The following DCC variants were observed in gnomAD, a reference collection of about 807,000 sequenced individuals.
The protein encoded by DCC is netrin receptor DCC.
In DCC, 58 loss-of-function variants were observed where a neutral mutation model predicts 172.5. The observed-to-expected ratio is 0.34, with a 90% CI of 0.27 to 0.42. The LOEUF is 0.42. DCC is among the 10% of genes least tolerant of loss of function. The pLI is 1.00. For synonymous variants in DCC, 709 were observed against 644.5 expected (o/e 1.10, Z -1.52); for missense variants, 1,740 against 1,791.0 (o/e 0.97, Z 0.51).
chr18:52,992,031 G>T (rs1239899748), intron 5 of DCC, among the ~76,000 whole-genome samples: 1 of 152,182 alleles, frequency 6.6e-6, no homozygotes, highest in Non-Finnish European at 1.5e-5. Context: ...AATTTTGAAT[G>T]CAAGTTTAAT....
intron 5 of DCC, among the ~76,000 whole-genome samples, chr18:52,950,360 A>G (rs561670447): frequency 6.6e-6 from 1 of 152,304 alleles, no homozygotes; most frequent in South Asian, 2.1e-4. Context: ...AGGCTGACTC[A>G]TCTTTCCTTG....
intron 2 of DCC, among the ~76,000 whole-genome samples, chr18:52,807,935 G>A (rs1489434399): frequency 1.3e-5 from 2 of 152,136 alleles, no homozygotes; most frequent in Admixed American, 6.5e-5. Context: ...TTGGTCCAGG[G>A]AACTGAAACT....
intron 1 of DCC, among the ~76,000 whole-genome samples, chr18:52,479,224 TATAG>T (rs1989182887): frequency 6.6e-6 from 1 of 152,216 alleles, no homozygotes. Flanking sequence ...CTTAAGCACA[TATAG>T]ATTTTCTCTT....
At chr18:53,076,834 G>A (rs907095257) in intron 7 of DCC, among the ~76,000 whole-genome samples, 3 of 152,292 alleles carry the variant, frequency 2.0e-5, no homozygotes, top group Admixed American at 1.3e-4. Flanking sequence ...ATGTGTCTCT[G>A]TTGCTAGGAG....
chr18:52,609,870 T>G (rs79696745), intron 1 of DCC, among the ~76,000 whole-genome samples: 9,441 of 151,978 alleles, frequency 0.062, 380 homozygotes, highest in African/African-American at 0.099. Flanking sequence ...GCTAAGTTCA[T>G]GGTATGTTGA....
chr18:52,755,998 A>G (rs977519737), intron 2 of DCC, among the ~76,000 whole-genome samples: 21 of 152,202 alleles, frequency 1.4e-4, no homozygotes, highest in Admixed American at 1.4e-3. Context: ...AAGAACTATC[A>G]TTCCATCCAA....
At chr18:53,038,301 T>C (rs935292308) in intron 5 of DCC, among the ~76,000 whole-genome samples, 2 of 152,016 alleles carry the variant, frequency 1.3e-5, no homozygotes, top group African/African-American at 4.8e-5. Flanking sequence ...TACTATTGTG[T>C]TAGATTGGGC....
At chr18:52,428,487 T>A (rs1987516557) in intron 1 of DCC, among the ~76,000 whole-genome samples, 1 of 152,144 alleles carries the variant, frequency 6.6e-6, no homozygotes, top group Non-Finnish European at 1.5e-5. Context: ...TACATTTGAC[T>A]TGGAGAAGAT....
At chr18:53,142,039 A>G (rs11875241) in intron 7 of DCC, among the ~76,000 whole-genome samples, 2,452 of 152,280 alleles carry the variant, frequency 0.016, 56 homozygotes, top group African/African-American at 0.055. Context: ...GGAATTTGCT[A>G]TGCCCACTGG....
chr18:53,358,530 C>CTTTTTTTTTTTTTTTT (rs35093625), intron 15 of DCC, among the ~76,000 whole-genome samples: 1 of 95,920 alleles, frequency 1.0e-5, no homozygotes. Context: ...TTCTCTCTCT[C>CTTTTTTTTTTTTTTTT]TTTTTTTTTT....
At chr18:52,672,474 G>A (rs2035571535) in intron 1 of DCC, among the ~76,000 whole-genome samples, 1 of 151,914 alleles carries the variant, frequency 6.6e-6, no homozygotes, top group Admixed American at 6.6e-5. Context: ...GATGATATAA[G>A]CACAAAACAG....
chr18:53,511,787 C>T (rs1458104153), intron 27 of DCC, among the ~76,000 whole-genome samples: 1 of 152,210 alleles, frequency 6.6e-6, no homozygotes, highest in Non-Finnish European at 1.5e-5. Context: ...AGAGTATATC[C>T]TGCACCTGGC....
At chr18:53,400,336 C>T (rs976145505) in intron 18 of DCC, among the ~76,000 whole-genome samples, 1 of 152,064 alleles carries the variant, frequency 6.6e-6, no homozygotes, top group East Asian at 1.9e-4. Context: ...TAAAGAGATA[C>T]TTATGATTGG....
At chr18:53,384,606 A>G (rs1264533796) in intron 15 of DCC, among the ~76,000 whole-genome samples, 1 of 151,994 alleles carries the variant, frequency 6.6e-6, no homozygotes, top group African/African-American at 2.4e-5. Context: ...TAATTTACAT[A>G]TATCTATTCC....
At chr18:52,640,927 A>T (rs2034878036) in intron 1 of DCC, among the ~76,000 whole-genome samples, 1 of 152,200 alleles carries the variant, frequency 6.6e-6, no homozygotes, top group African/African-American at 2.4e-5. Context: ...AAACAAAAAG[A>T]ACAAAACTGG....
intron 1 of DCC, among the ~76,000 whole-genome samples, chr18:52,692,118 C>G (rs2035938276): frequency 6.6e-6 from 1 of 152,136 alleles, no homozygotes; most frequent in Admixed American, 6.6e-5. Flanking sequence ...GAAGCAACCT[C>G]AGGGTTGGGA....
chr18:52,649,141 A>C (rs1264273505), intron 1 of DCC, among the ~76,000 whole-genome samples: 2 of 152,168 alleles, frequency 1.3e-5, no homozygotes, highest in Non-Finnish European at 2.9e-5. Context: ...TGGGAGGCTG[A>C]GGCGGGTGGA....
chr18:53,222,229 C>T (rs2055945109), intron 12 of DCC, among the ~76,000 whole-genome samples: 1 of 152,088 alleles, frequency 6.6e-6, no homozygotes, highest in Non-Finnish European at 1.5e-5. Flanking sequence ...AACTTAACTG[C>T]TTTCTGTAAT....
At chr18:53,106,750 TAGACATAGGGG>T (rs1447021383) in intron 7 of DCC, among the ~76,000 whole-genome samples, 1 of 151,830 alleles carries the variant, frequency 6.6e-6, no homozygotes, top group Non-Finnish European at 1.5e-5. Flanking sequence ...GACTATGCCA[TAGACATAGGGG>T]AGTGTTTCCA....
Sources: allele counts gnomAD v4.1 joint callset (sites outside exome capture counted in the v4.1 genomes callset), GRCh38; gene constraint gnomAD v4.1.1; transcripts MANE v1.5; gene names NCBI Gene and HGNC (gene_info 2026-07-23, HGNC 2026-07-21).